The following ERBB4 variants were observed in gnomAD, a reference collection of about 807,000 sequenced individuals.
The protein encoded by ERBB4 is receptor tyrosine-protein kinase erbB-4.
ERBB4 carries 42 observed loss-of-function variants against 158.0 expected under a neutral mutation model. The observed-to-expected ratio is 0.27, with a 90% CI of 0.21 to 0.34. The LOEUF (loss-of-function observed/expected upper bound fraction) is 0.34. ERBB4 is among the 10% of genes least tolerant of loss of function. ERBB4 has a pLI of 1.00. For missense variants in ERBB4, 1,333 were observed against 1,624.1 expected (o/e 0.82, Z 3.08); for synonymous variants, 583 against 558.7 (o/e 1.04, Z -0.61).
At chr2:212,073,968 T>C (rs1172793984) in intron 2 of ERBB4, among the ~76,000 whole-genome samples, 10 of 152,014 alleles carry the variant, frequency 6.6e-5, no homozygotes, top group Non-Finnish European at 1.2e-4. Flanking sequence ...CTGAAAATGA[T>C]CGAGAAAGTA....
intron 16 of ERBB4, among the ~76,000 whole-genome samples, chr2:211,654,431 A>T (rs2071132235): frequency 6.6e-6 from 1 of 152,248 alleles, no homozygotes; most frequent in South Asian, 2.1e-4. Context: ...GCTATGAATT[A>T]TTTTAAATTA....
chr2:211,886,230 T>C (rs1374118022), intron 3 of ERBB4, among the ~76,000 whole-genome samples: 1 of 152,196 alleles, frequency 6.6e-6, no homozygotes, highest in Non-Finnish European at 1.5e-5. Context: ...AGATTTTCCC[T>C]GACCATCCTA....
intron 2 of ERBB4, among the ~76,000 whole-genome samples, chr2:211,984,095 A>G (rs1222501700): frequency 6.6e-6 from 1 of 152,218 alleles, no homozygotes; most frequent in Non-Finnish European, 1.5e-5. Context: ...TCAAGGTGCC[A>G]GCAGATTCAG....
chr2:211,546,755 G>A (rs2066951390), intron 20 of ERBB4, among the ~76,000 whole-genome samples: 1 of 152,094 alleles, frequency 6.6e-6, no homozygotes, highest in South Asian at 2.1e-4. Context: ...AATCCATAGA[G>A]GATACCCTTT....
chr2:211,679,580 T>C (rs188418807), intron 12 of ERBB4, among the ~76,000 whole-genome samples: 43 of 152,062 alleles, frequency 2.8e-4, no homozygotes, highest in African/African-American at 1.0e-3. Context: ...TAGAAAACAA[T>C]ATTGTCCTGA....
chr2:211,992,126 C>T (rs1240598326), intron 2 of ERBB4, among the ~76,000 whole-genome samples: 1 of 152,124 alleles, frequency 6.6e-6, no homozygotes, highest in Non-Finnish European at 1.5e-5. Flanking sequence ...CAGCAACATC[C>T]TACTCTACTG....
At chr2:212,259,920 A>T (rs1216116736) in intron 1 of ERBB4, among the ~76,000 whole-genome samples, 1 of 152,036 alleles carries the variant, frequency 6.6e-6, no homozygotes, top group Admixed American at 6.6e-5. Context: ...AAATACAAAA[A>T]TTAGCTGGAC....
chr2:212,307,929 A>G (rs1317747166), intron 1 of ERBB4, among the ~76,000 whole-genome samples: 3 of 150,910 alleles, frequency 2.0e-5, no homozygotes, highest in Non-Finnish European at 4.5e-5. Flanking sequence ...ATCTTCTCAC[A>G]TGTTTAACGG....
At chr2:212,351,916 T>A (rs930292425) in intron 1 of ERBB4, among the ~76,000 whole-genome samples, 5 of 152,074 alleles carry the variant, frequency 3.3e-5, no homozygotes, top group African/African-American at 1.2e-4. Context: ...TAAATCAACC[T>A]AAATGTCTAT....
At chr2:212,455,816 A>C (rs1054945601) in intron 1 of ERBB4, among the ~76,000 whole-genome samples, 1 of 152,170 alleles carries the variant, frequency 6.6e-6, no homozygotes, top group Non-Finnish European at 1.5e-5. Flanking sequence ...AAGTATGAAA[A>C]AATTTATTGT....
intron 3 of ERBB4, among the ~76,000 whole-genome samples, chr2:211,834,535 AT>A (rs2077296738): frequency 6.6e-6 from 1 of 152,014 alleles, no homozygotes; most frequent in Non-Finnish European, 1.5e-5. Context: ...GGAAGAAGAC[AT>A]TTTTTAATTA....
At chr2:211,782,372 G>A (rs1462344646) in intron 4 of ERBB4, among the ~76,000 whole-genome samples, 1 of 152,166 alleles carries the variant, frequency 6.6e-6, no homozygotes, top group Non-Finnish European at 1.5e-5. Context: ...TTAAAAGCTT[G>A]ACTGTTATCC....
intron 3 of ERBB4, among the ~76,000 whole-genome samples, chr2:211,859,676 G>T (rs574194385): frequency 6.6e-6 from 1 of 152,156 alleles, no homozygotes; most frequent in East Asian, 1.9e-4. Flanking sequence ...AAATATTTTG[G>T]GGGTGGTGAC....
intron 1 of ERBB4, among the ~76,000 whole-genome samples, chr2:212,282,540 C>A (rs1264973293): frequency 6.6e-6 from 1 of 151,830 alleles, no homozygotes; most frequent in Non-Finnish European, 1.5e-5. Context: ...ATATTTATTT[C>A]ATAAACATTT....
At chr2:211,774,154 C>A (rs894413671) in intron 4 of ERBB4, among the ~76,000 whole-genome samples, 1 of 151,410 alleles carries the variant, frequency 6.6e-6, no homozygotes, top group Non-Finnish European at 1.5e-5. Flanking sequence ...CTCACTGGAA[C>A]CTCTGCCTCC....
chr2:212,388,771 AT>A (rs1489737441), intron 1 of ERBB4, among the ~76,000 whole-genome samples: 12 of 152,128 alleles, frequency 7.9e-5, no homozygotes, highest in African/African-American at 2.9e-4. Context: ...ATGCCTAAGA[AT>A]TAACAGACCG....
chr2:212,482,038 T>C (rs937947030), intron 1 of ERBB4, among the ~76,000 whole-genome samples: 1 of 152,344 alleles, frequency 6.6e-6, no homozygotes, highest in Non-Finnish European at 1.5e-5. Context: ...CCCACTTCTC[T>C]ATAAACAGTC....
intron 2 of ERBB4, among the ~76,000 whole-genome samples, chr2:212,008,009 A>G (rs2076295988): frequency 6.6e-6 from 1 of 152,050 alleles, no homozygotes; most frequent in Non-Finnish European, 1.5e-5. Context: ...GAATGAACAG[A>G]TGCATGAATA....
At chr2:211,730,786 C>T (rs757879204) in intron 5 of ERBB4, among the ~76,000 whole-genome samples, 5 of 152,006 alleles carry the variant, frequency 3.3e-5, no homozygotes, top group African/African-American at 1.2e-4. Flanking sequence ...ATCAAAATCG[C>T]TGGCAATTTT....
Sources: gnomAD v4.1 joint callset for allele counts (sites outside exome capture counted in the v4.1 genomes callset) on GRCh38, gnomAD v4.1.1 for gene constraint, MANE v1.5 for transcripts, NCBI Gene and HGNC (gene_info 2026-07-23, HGNC 2026-07-21) for gene names.